MYO9A: variants seen among roughly 807,000 people sequenced by gnomAD.
The protein encoded by MYO9A is unconventional myosin-IXa.
In MYO9A, 103 loss-of-function variants were observed where a neutral mutation model predicts 293.3. The observed-to-expected ratio is 0.35, with a 90% CI of 0.30 to 0.41. The LOEUF is 0.41. MYO9A is among the 10% of genes least tolerant of loss of function. MYO9A has a pLI of 1.00. For missense variants in MYO9A, 2,685 were observed against 3,033.0 expected, an observed-to-expected ratio of 0.89 and a Z score of 2.69; for synonymous variants, 1,001 against 1,035.7, an observed-to-expected ratio of 0.97 and a Z score of 0.64.
chr15:72,096,172 AAAAAG>A (rs2080057040), intron 1 of MYO9A, among the ~76,000 whole-genome samples: 2 of 150,064 alleles, frequency 1.3e-5, no homozygotes, highest in African/African-American at 4.9e-5. Context: ...AAAAAAAAAA[AAAAAG>A]AAAAAAAAAA....
intron 1 of MYO9A, among the ~76,000 whole-genome samples, chr15:72,101,623 C>G (rs2080328411): frequency 1.4e-5 from 2 of 140,034 alleles, no homozygotes; most frequent in African/African-American, 5.3e-5. Flanking sequence ...GGCCAGCCGC[C>G]CCATCCAGGA....
chr15:72,066,607 C>T (rs1179758585), intron 1 of MYO9A, among the ~76,000 whole-genome samples: 1 of 152,050 alleles, frequency 6.6e-6, no homozygotes, highest in Non-Finnish European at 1.5e-5. Flanking sequence ...ACACCAGAAG[C>T]ATGGTTTCCT....
chr15:71,997,139 G>A (rs1468329849), intron 9 of MYO9A, among the ~76,000 whole-genome samples: 1 of 151,958 alleles, frequency 6.6e-6, no homozygotes, highest in East Asian at 1.9e-4. Flanking sequence ...CTGCCAGAGT[G>A]CTCCTTTTAA....
At chr15:71,974,267 C>A (rs2076084048) in intron 12 of MYO9A, among the ~76,000 whole-genome samples, 1 of 152,082 alleles carries the variant, frequency 6.6e-6, no homozygotes, top group Non-Finnish European at 1.5e-5. Flanking sequence ...GTAGGATGGG[C>A]AATTAAAACA....
intron 1 of MYO9A, among the ~76,000 whole-genome samples, chr15:72,100,936 C>T (rs1567040583): frequency 4.4e-5 from 6 of 136,730 alleles, no homozygotes; most frequent in South Asian, 2.4e-4. Context: ...GTCAGCCCCC[C>T]GCCCGGCCAG....
At chr15:72,118,390 T>C (rs1033031767), upstream of MYO9A, 3 of 159,572 alleles carry the variant, frequency 1.9e-5, no homozygotes, top group African/African-American at 7.2e-5. Context: ...CCTCTGAGTT[T>C]GCGACCGTAG....
At chr15:71,983,475 T>C (rs1202855964) in intron 11 of MYO9A, among the ~76,000 whole-genome samples, 2 of 132,500 alleles carry the variant, frequency 1.5e-5, no homozygotes, top group African/African-American at 5.8e-5. Context: ...TATTTCTTTT[T>C]TTTTTTTTTT....
In MYO9A at chr15:71,871,147, G is replaced by C. The variant is rs28599944; in HGVS notation, c.5979+4644C>G. ...CCCAGCACTCTGGGAGGCTGAGGCA[G>C]GAGAATCATGAGCCCAGGAGTTTGA... On this transcript the variant is annotated intron_variant, in intron 32 of 41. Coordinates refer to ENST00000356056, the MANE Select transcript of MYO9A (RefSeq NM_006901.4). 5.6e-3 allele frequency among the ~76,000 whole-genome samples: 859 copies of C among 152,274 alleles called. 12 individuals carry two copies. The highest frequency in any genetic ancestry group is 0.02 in the African/African-American group (812 of 41,558).
intron 1 of MYO9A, among the ~76,000 whole-genome samples, chr15:72,095,992 C>G (rs867691269): frequency 2.6e-5 from 4 of 151,872 alleles, no homozygotes; most frequent in Admixed American, 6.6e-5. Flanking sequence ...CTTGGAAAAA[C>G]CCCATCTCTA....
At chr15:72,053,767 T>C (rs947491482) in intron 1 of MYO9A, among the ~76,000 whole-genome samples, 2 of 152,176 alleles carry the variant, frequency 1.3e-5, no homozygotes, top group Admixed American at 1.3e-4. Flanking sequence ...ACACAATTTA[T>C]CTAAAGAACC....
At chr15:71,904,899 G>C in intron 20 of MYO9A, 27 bp downstream of exon 20, 1 of 1,534,836 alleles carries the variant, frequency 6.5e-7, no homozygotes, top group Non-Finnish European at 9.0e-7. Flanking sequence ...GCTGAGATAT[G>C]TGCTCTCATT....
rs28583168 is a variant in MYO9A at position 72,088,139 on chromosome 15, T to C, written c.-72+29541A>G. 5.6e-3 allele frequency among the ~76,000 whole-genome samples: 858 copies of C among 152,336 alleles called. 11 individuals carry two copies. Among genetic ancestry groups the C allele is most frequent in the African/African-American group, 0.02 (812 of 41,580 alleles). ...TGACAACACCTTGATCTTGGACTTC[T>C]AGTCACCAGGAGTGTAGGAAAATAA... On this transcript the variant is annotated intron_variant, in intron 1 of 41. Coordinates refer to ENST00000356056, the MANE Select transcript of MYO9A (RefSeq NM_006901.4).
At chr15:72,026,763 C>T (rs2077686452) in intron 4 of MYO9A, among the ~76,000 whole-genome samples, 1 of 152,002 alleles carries the variant, frequency 6.6e-6, no homozygotes, top group South Asian at 2.1e-4. Context: ...GAAAGCGGAA[C>T]ATTACTACCA....
At chr15:71,949,990 T>C (rs2059015733) in intron 15 of MYO9A, among the ~76,000 whole-genome samples, 1 of 152,156 alleles carries the variant, frequency 6.6e-6, no homozygotes, top group African/African-American at 2.4e-5. Flanking sequence ...CTTTTGGTCT[T>C]TTTCCAGTAC....
At chr15:72,073,657 C>T (rs565633658) in intron 1 of MYO9A, among the ~76,000 whole-genome samples, 11 of 152,194 alleles carry the variant, frequency 7.2e-5, no homozygotes, top group Admixed American at 5.2e-4. Flanking sequence ...AAAACAGAAA[C>T]CTAGCACTGA....
Position 71,881,293 on chromosome 15 carries a change from T to C in MYO9A, c.5399-735A>G, listed in dbSNP as rs192565763. ...TTGCCAAACCCTATCTGGAGCTCGATGAAAATGTTTACCTCCTCTCATTTC... is the reference window on the plus strand; with the variant it reads ...TTGCCAAACCCTATCTGGAGCTCGACGAAAATGTTTACCTCCTCTCATTTC... On this transcript the variant is annotated intron_variant, in intron 28 of 41. Transcript: ENST00000356056. Among the ~76,000 whole-genome samples, 3 of 152,230 alleles carry C rather than the reference T, an allele frequency of 2.0e-5. No homozygotes were observed. The East Asian group carries it at 5.8e-4, about 29-fold the overall frequency.
chr15:72,015,836 C>T (rs990201494), intron 6 of MYO9A, among the ~76,000 whole-genome samples: 4 of 151,834 alleles, frequency 2.6e-5, no homozygotes, highest in Non-Finnish European at 4.4e-5. Context: ...TACAGGCGCC[C>T]GCCACCACAT....
At chr15:71,915,574 A>T (rs185384835) in intron 19 of MYO9A, among the ~76,000 whole-genome samples, 228 of 152,214 alleles carry the variant, frequency 1.5e-3, no homozygotes, top group African/African-American at 4.8e-3. Flanking sequence ...ATCAAACAAG[A>T]TCATATACAA....
chr15:71,977,467 C>T (rs1387710152), intron 12 of MYO9A, among the ~76,000 whole-genome samples: 3 of 152,112 alleles, frequency 2.0e-5, no homozygotes, highest in South Asian at 2.1e-4. Context: ...GAACTCCTGG[C>T]CTCAAGTGCT....
Sources: gnomAD v4.1 joint callset for allele counts (sites outside exome capture counted in the v4.1 genomes callset) on GRCh38, gnomAD v4.1.1 for gene constraint, MANE v1.5 for transcripts, NCBI Gene and HGNC (gene_info 2026-07-23, HGNC 2026-07-21) for gene names.